TGFB2: variants seen among roughly 807,000 people sequenced by gnomAD.
The protein encoded by TGFB2 is transforming growth factor beta-2 proprotein.
TGFB2 carries 13 observed loss-of-function variants against 42.7 expected under a neutral mutation model. The ratio of observed to expected loss-of-function variants is 0.30; its 90% CI spans 0.20 to 0.48. The LOEUF (loss-of-function observed/expected upper bound fraction) is 0.48. TGFB2 is among the 20% of genes least tolerant of loss of function. TGFB2 has a pLI of 0.99. For missense variants in TGFB2, 390 were observed against 517.5 expected, an observed-to-expected ratio of 0.75 and a Z score of 2.39; for synonymous variants, 193 against 193.6, an observed-to-expected ratio of 1.00 and a Z score of 0.03.
At chr1:218,370,474 G>A (rs1657535349) in intron 1 of TGFB2, among the ~76,000 whole-genome samples, 1 of 152,056 alleles carries the variant, frequency 6.6e-6, no homozygotes, top group Admixed American at 6.5e-5. Context: ...TAGAGAATAG[G>A]ACAATATGGT....
intron 1 of TGFB2, 102 bp downstream of exon 1, chr1:218,347,149 G>C: frequency 8.9e-7 from 1 of 1,121,822 alleles, no homozygotes; most frequent in Non-Finnish European, 1.3e-6. Context: ...CGCGGTTCCC[G>C]TTCGCTCTTT....
intron 1 of TGFB2, among the ~76,000 whole-genome samples, chr1:218,372,390 T>G (rs565377711): frequency 8.4e-4 from 128 of 152,330 alleles, no homozygotes; most frequent in African/African-American, 2.9e-3. Context: ...TGACTTCGTA[T>G]GTGTTCACAG....
At chr1:218,429,824 C>T (rs1432353990) in intron 2 of TGFB2, among the ~76,000 whole-genome samples, 1 of 152,058 alleles carries the variant, frequency 6.6e-6, no homozygotes, top group Non-Finnish European at 1.5e-5. Flanking sequence ...TGCATAATTA[C>T]AATAACAAGT....
chr1:218,349,822 A>G (rs181594871), intron 1 of TGFB2, among the ~76,000 whole-genome samples: 2,172 of 152,364 alleles, frequency 0.014, 28 homozygotes, highest in Non-Finnish European at 0.021. Flanking sequence ...AAATACAGTA[A>G]ATATGAATAG....
rs1368062686 is a variant in TGFB2 at position 218,405,281 on chromosome 1, T to C, written c.459T>C (p.Arg153=). The change falls in exon 2 of 7, where the codon CGT becomes CGC. Residue 153 remains arginine, a synonymous_variant. Coordinates refer to ENST00000366930, the MANE Select transcript of TGFB2 (RefSeq NM_003238.6). ...TGAAAGCAGAGTTCAGAGTCTTTCG[T>C]TTGCAGAACCCAAAAGCCAGAGTGC... ...NLVKAEFRVF[R]LQNPKARVPE... 1.9e-6 allele frequency: 3 copies of C among 1,614,182 alleles called. No individual in the cohort carries two copies. The Admixed American group carries it at 5.0e-5, about 27-fold the overall frequency.
chr1:218,397,044 A>G (rs1306781684), intron 1 of TGFB2, among the ~76,000 whole-genome samples: 1 of 148,518 alleles, frequency 6.7e-6, no homozygotes, highest in African/African-American at 2.5e-5. Flanking sequence ...GAGGCAGTGG[A>G]TCACCTGAGG....
intron 2 of TGFB2, among the ~76,000 whole-genome samples, chr1:218,406,504 T>C (rs1658916469): frequency 6.6e-6 from 1 of 152,182 alleles, no homozygotes; most frequent in South Asian, 2.1e-4. Flanking sequence ...CTTGTGCACA[T>C]TAAAGAACCA....
chr1:218,388,967 C>G (rs1658227903), intron 1 of TGFB2, among the ~76,000 whole-genome samples: 1 of 152,116 alleles, frequency 6.6e-6, no homozygotes, highest in Admixed American at 6.5e-5. Flanking sequence ...GTTCGTTATT[C>G]CACTGGCTGC....
chr1:218,439,057 G>A (rs868781371), intron 6 of TGFB2, among the ~76,000 whole-genome samples: 37 of 148,732 alleles, frequency 2.5e-4, no homozygotes, highest in African/African-American at 8.5e-4. Flanking sequence ...GCAGTGAGCC[G>A]AGATCGCACC....
At chr1:218,362,024 G>A (rs564130039) in intron 1 of TGFB2, among the ~76,000 whole-genome samples, 1 of 152,330 alleles carries the variant, frequency 6.6e-6, no homozygotes, top group Non-Finnish European at 1.5e-5. Flanking sequence ...CCTAGAAGGT[G>A]TAATCCACAC....
chr1:218,413,203 C>G (rs1421104721), intron 2 of TGFB2, among the ~76,000 whole-genome samples: 1 of 151,590 alleles, frequency 6.6e-6, no homozygotes, highest in Admixed American at 6.6e-5. Context: ...GAAAATCCAT[C>G]TCTACTAAAA....
At chr1:218,364,337 A>T (rs1236661870) in intron 1 of TGFB2, among the ~76,000 whole-genome samples, 1 of 152,218 alleles carries the variant, frequency 6.6e-6, no homozygotes, top group Admixed American at 6.5e-5. Context: ...CAAAAGCCAG[A>T]AGTCCTCAAC....
chr1:218,425,736 C>T (rs1659602128), intron 2 of TGFB2, among the ~76,000 whole-genome samples: 1 of 152,152 alleles, frequency 6.6e-6, no homozygotes, highest in Non-Finnish European at 1.5e-5. Flanking sequence ...AGGGGGACGA[C>T]CTTTCTCATT....
chr1:218,431,613 G>A (rs990736105), intron 2 of TGFB2, among the ~76,000 whole-genome samples: 6 of 152,210 alleles, frequency 3.9e-5, no homozygotes, highest in Non-Finnish European at 8.8e-5. Flanking sequence ...TGTTAGCTAT[G>A]TGAATAAGAT....
chr1:218,400,865 T>C (rs1172327100), intron 1 of TGFB2, among the ~76,000 whole-genome samples: 1 of 151,054 alleles, frequency 6.6e-6, no homozygotes, highest in African/African-American at 2.4e-5. Context: ...GAAGGCAGGG[T>C]GAGATTGGGG....
chr1:218,352,141 C>T (rs1044618406), intron 1 of TGFB2, among the ~76,000 whole-genome samples: 2 of 151,472 alleles, frequency 1.3e-5, no homozygotes, highest in African/African-American at 4.9e-5. Context: ...CACCCCACCC[C>T]GCCCCATTAT....
At chr1:218,351,810 T>C (rs905987194) in intron 1 of TGFB2, among the ~76,000 whole-genome samples, 1 of 152,166 alleles carries the variant, frequency 6.6e-6, no homozygotes, top group African/African-American at 2.4e-5. Context: ...GATGGTGATG[T>C]AACCTAGTCG....
chr1:218,384,985 C>T (rs2027566), intron 1 of TGFB2, among the ~76,000 whole-genome samples: 1 of 151,988 alleles, frequency 6.6e-6, no homozygotes. Flanking sequence ...CATAACCACC[C>T]GGCAGATGGC....
Position 218,437,448 on chromosome 1 carries a change from T to C in TGFB2, c.1038T>C (p.Cys346=). The stretch of plus-strand genomic sequence containing the variant: ...CCAAAGGGTACAATGCCAACTTCTG[T>C]GCTGGAGCATGCCCGTATTTATGGA... ...HEPKGYNANF[C]AGACPYLWSS... is the part of the protein sequence containing the mutation. Residue 346 remains cysteine, a synonymous_variant, in exon 6 of 7, where the codon TGT becomes TGC. Transcript: ENST00000366930. 5 of 1,613,702 alleles carry C rather than the reference T, an allele frequency of 3.1e-6. No individual in the cohort carries two copies. The highest frequency in any genetic ancestry group is 4.2e-6 in the Non-Finnish European group (5 of 1,179,856).
Sources: allele counts gnomAD v4.1 joint callset (sites outside exome capture counted in the v4.1 genomes callset), GRCh38; gene constraint gnomAD v4.1.1; transcripts MANE v1.5; gene names NCBI Gene and HGNC (gene_info 2026-07-23, HGNC 2026-07-21).